The following RAPGEF5 variants were observed in gnomAD, a reference collection of about 807,000 sequenced individuals.
The protein encoded by RAPGEF5 is M-Ras-regulated GEF.
A neutral mutation model predicts 125.2 loss-of-function variants in RAPGEF5; 65 were observed. The observed-to-expected ratio is 0.52, with a 90% confidence interval of 0.43 to 0.64. RAPGEF5 has a LOEUF of 0.64. Ranked by LOEUF, RAPGEF5 falls within the 30% of genes least tolerant of loss-of-function variation. The probability of loss-of-function intolerance (pLI) is 0.00; values close to 1 mark genes in which losing one functional copy is unlikely to be tolerated. For missense variants in RAPGEF5, 958 were observed against 1,048.1 expected (o/e 0.91, Z 1.19); for synonymous variants, 391 against 385.9 (o/e 1.01, Z -0.16).
chr7:22,120,188 A>C lies in RAPGEF5; in HGVS notation c.*2218T>G, dbSNP rs1378857345. ...AGGACCACCTAACCACGGCTGGAGGAAGAGGTGAACAAGCATCATTTTCTC... is the reference window on the plus strand; with the variant it reads ...AGGACCACCTAACCACGGCTGGAGGCAGAGGTGAACAAGCATCATTTTCTC... On this transcript the variant is annotated 3_prime_UTR_variant, in exon 26 of 26. Coordinates refer to ENST00000665637, the MANE Select transcript of RAPGEF5 (RefSeq NM_012294.5). This position sits in a 1 kb window ranked among gnomAD's most constrained non-coding sequence, Gnocchi z 4.0. 3 of 152,138 alleles carry C rather than the reference A, an allele frequency of 2.0e-5. No individual in the cohort carries two copies. Among genetic ancestry groups the C allele is most frequent in the African/African-American group, 4.8e-5 (2 of 41,432 alleles). The allele number at this position is 152,138 out of a possible 1,614,324, so 9.4% of individuals were successfully genotyped here.
chr7:22,262,893 T>C (rs1041289764), intron 7 of RAPGEF5, among the ~76,000 whole-genome samples: 5 of 152,138 alleles, frequency 3.3e-5, no homozygotes, highest in Admixed American at 3.3e-4. Flanking sequence ...TAGACTTCCT[T>C]GGTCAAGGCT....
At chr7:22,303,155 T>C (rs987176484) in intron 5 of RAPGEF5, among the ~76,000 whole-genome samples, 3 of 152,224 alleles carry the variant, frequency 2.0e-5, no homozygotes, top group Non-Finnish European at 4.4e-5. Context: ...TGCCTTTTCC[T>C]ACGCTGTTAT....
intron 8 of RAPGEF5, chr7:22,220,253 T>C: frequency 2.9e-6 from 1 of 350,372 alleles, no homozygotes. Context: ...CATTTGCTAC[T>C]AAGTGTGCGC....
At chr7:22,290,292 C>T (rs2128147239) in intron 6 of RAPGEF5, among the ~76,000 whole-genome samples, 1 of 152,212 alleles carries the variant, frequency 6.6e-6, no homozygotes, top group South Asian at 2.1e-4. Flanking sequence ...GAAAAGTTTC[C>T]AAACAGCCAA....
intron 7 of RAPGEF5, among the ~76,000 whole-genome samples, chr7:22,240,565 G>T (rs1683288937): frequency 6.6e-6 from 1 of 151,912 alleles, no homozygotes; most frequent in African/African-American, 2.4e-5. Flanking sequence ...TAGAGACAGG[G>T]TTTCACCATG....
rs541686317 is a variant in RAPGEF5, at chr7:22,322,135, C to A, written c.232-4098G>T. 2.3e-3 allele frequency among the ~76,000 whole-genome samples: 351 copies of A among 150,842 alleles called. 1 individual carries two copies. The highest frequency in any genetic ancestry group is 0.013 in the South Asian group (62 of 4,750). On this transcript the variant is annotated intron_variant, in intron 1 of 25. Transcript: ENST00000665637. Reference sequence around the variant, plus strand: ...CAAGTTTTTGGGGTTTTTTCTTTTTCTTTTTCTTTTTTTTTTTTGAGACAG... The same window carrying A: ...CAAGTTTTTGGGGTTTTTTCTTTTTATTTTTCTTTTTTTTTTTTGAGACAG...
Position 22,150,509 on chromosome 7 carries a change from A to G in RAPGEF5, c.1787-5T>C, listed in dbSNP as rs765729604. On this transcript the variant is annotated splice_region_variant and splice_polypyrimidine_tract_variant and intron_variant, in intron 17 of 25. Coordinates refer to ENST00000665637, the MANE Select transcript of RAPGEF5 (RefSeq NM_012294.5). ...TTGGCTGAAGTTCATGCTTTTCTTT[A>G]TTTGAAAAAAAAAAAAAAAAAAGGA... 12 of 1,308,456 alleles carry G rather than the reference A, an allele frequency of 9.2e-6. 1 individual carries two copies. The African/African-American group carries it at 2.6e-4, about 29-fold the overall frequency. 81.1% of individuals were successfully genotyped at this position (1,308,456 alleles called of 1,614,324 possible).
intron 7 of RAPGEF5, among the ~76,000 whole-genome samples, chr7:22,236,756 A>G (rs1036766990): frequency 2.6e-5 from 4 of 152,168 alleles, no homozygotes; most frequent in African/African-American, 9.6e-5. Context: ...TGATCAAGCC[A>G]TCCCCCTATC....
chr7:22,158,102 T>G (rs1214531933), intron 14 of RAPGEF5, among the ~76,000 whole-genome samples: 1 of 152,206 alleles, frequency 6.6e-6, no homozygotes, highest in Non-Finnish European at 1.5e-5. Context: ...ATTCAACAGA[T>G]GTACTTTGCC....
At chr7:22,306,269 G>C (rs1331076163) in intron 5 of RAPGEF5, among the ~76,000 whole-genome samples, 1 of 152,084 alleles carries the variant, frequency 6.6e-6, no homozygotes, top group Non-Finnish European at 1.5e-5. Context: ...ATTTTAACTG[G>C]GGTGAAATGA....
chr7:22,355,650 G>T (rs1784407341), intron 1 of RAPGEF5, among the ~76,000 whole-genome samples: 2 of 152,160 alleles, frequency 1.3e-5, no homozygotes, highest in African/African-American at 4.8e-5. Flanking sequence ...CATCTTCTGA[G>T]ATGGACCTGG....
At chr7:22,229,499 C>G (rs1786006314) in intron 8 of RAPGEF5, among the ~76,000 whole-genome samples, 2 of 152,160 alleles carry the variant, frequency 1.3e-5, no homozygotes, top group African/African-American at 4.8e-5. Context: ...GGTGCTCAAG[C>G]CATTAAATGT....
At chr7:22,304,024 G>C (rs1783274857) in intron 5 of RAPGEF5, among the ~76,000 whole-genome samples, 1 of 152,186 alleles carries the variant, frequency 6.6e-6, no homozygotes, top group Admixed American at 6.5e-5. Flanking sequence ...AGAAAGTACT[G>C]GGACAGAGCA....
At chr7:22,210,405 A>G (rs1287794600) in intron 9 of RAPGEF5, among the ~76,000 whole-genome samples, 1 of 152,206 alleles carries the variant, frequency 6.6e-6, no homozygotes, top group African/African-American at 2.4e-5. Context: ...AACTATCTGT[A>G]GGAAGTACCA....
chr7:22,316,459 A>T (rs1435569867), intron 2 of RAPGEF5, among the ~76,000 whole-genome samples: 1 of 71,948 alleles, frequency 1.4e-5, no homozygotes, highest in Non-Finnish European at 2.8e-5. Flanking sequence ...GTATACATAG[A>T]CATATATATA....
chr7:22,204,437 T>C (rs1316808151), intron 9 of RAPGEF5, among the ~76,000 whole-genome samples: 12 of 152,180 alleles, frequency 7.9e-5, no homozygotes, highest in Admixed American at 7.9e-4. Flanking sequence ...TCTGCATGTG[T>C]GTACGTGAGG....
chr7:22,337,958 C>A (rs1386915631), intron 1 of RAPGEF5, among the ~76,000 whole-genome samples: 2 of 152,232 alleles, frequency 1.3e-5, no homozygotes, highest in Non-Finnish European at 2.9e-5. Context: ...TAATAACTAA[C>A]CCTGATTGTT....
chr7:22,265,050 T>C (rs565109994), intron 7 of RAPGEF5, among the ~76,000 whole-genome samples: 3 of 152,334 alleles, frequency 2.0e-5, no homozygotes, highest in Non-Finnish European at 4.4e-5. Context: ...TACATGCAAA[T>C]ATTGTATAAT....
chr7:22,183,900 T>TG (rs1236810040), intron 11 of RAPGEF5, among the ~76,000 whole-genome samples: 4 of 152,230 alleles, frequency 2.6e-5, no homozygotes, highest in Non-Finnish European at 5.9e-5. Context: ...TCTTATAGTC[T>TG]GGAAGCTAAG....
Sources: allele counts gnomAD v4.1 joint callset (sites outside exome capture counted in the v4.1 genomes callset), GRCh38; gene constraint gnomAD v4.1.1; non-coding constraint Gnocchi (gnomAD v3.1); transcripts MANE v1.5; gene names NCBI Gene and HGNC (gene_info 2026-07-23, HGNC 2026-07-21).